Variants in SYNJ1 observed in about 807,000 individuals in gnomAD.
SYNJ1 encodes polyphosphatidylinositol phosphatase SYNJ1.
SYNJ1 carries 78 observed loss-of-function variants against 168.2 expected under a neutral mutation model. The ratio of observed to expected loss-of-function variants is 0.46; its 90% CI spans 0.39 to 0.56. SYNJ1 has a LOEUF of 0.56. Among genes scored for constraint, SYNJ1 ranks in the 20% least tolerant of loss-of-function variants. SYNJ1 has a pLI of 0.00. For missense variants in SYNJ1, 1,303 were observed against 1,597.6 expected, an observed-to-expected ratio of 0.82 and a Z score of 3.14; for synonymous variants, 539 against 548.6, an observed-to-expected ratio of 0.98 and a Z score of 0.24.
chr21:32,677,655 G>A (rs2041464543), intron 12 of SYNJ1, among the ~76,000 whole-genome samples: 1 of 152,150 alleles, frequency 6.6e-6, no homozygotes, highest in African/African-American at 2.4e-5. Flanking sequence ...GAAAGTAGTA[G>A]CTAAGATCAG....
At chr21:32,720,327 T>C (rs1382851647) in intron 2 of SYNJ1, among the ~76,000 whole-genome samples, 1 of 152,210 alleles carries the variant, frequency 6.6e-6, no homozygotes, top group Non-Finnish European at 1.5e-5. Context: ...TGGCTTAATG[T>C]TGTGACTGGC....
Position 32,666,060 on chromosome 21 carries a change from C to G in SYNJ1, c.2028G>C (p.Met676Ile), listed in dbSNP as rs1569064604. 6.2e-7 allele frequency: 1 copy of G among 1,614,060 alleles called. No individual in the cohort carries two copies. Among genetic ancestry groups the G allele is most frequent in the East Asian group, 2.2e-5 (1 of 44,872 alleles). ...AGCAAAGGCTGGTTGTATGGAAGAG[C>G]ATTCGGATTGCAACTGCTCCCTTAT... ...TGNKGAVAIRMLFHTTSLCFV... is the reference protein window; with the variant it reads ...TGNKGAVAIRILFHTTSLCFV... Residue 676 changes from methionine to isoleucine, a missense_variant, in exon 17 of 33, where the codon ATG becomes ATC. Physicochemically the swap from Met to Ile is conservative, Grantham distance 10. Around this residue, in one of 2 missense-constraint regions of SYNJ1, gnomAD observed 920 missense variants for 1,208.8 expected, o/e 0.76. Transcript: ENST00000674351.
chr21:32,694,175 G>C, intron 6 of SYNJ1, 53 bp downstream of exon 6: 1 of 1,298,254 alleles, frequency 7.7e-7, no homozygotes, highest in Non-Finnish European at 1.0e-6. Flanking sequence ...AGAAAGTTTA[G>C]AAAATATGAA....
chr21:32,728,001 G>T lies in SYNJ1; in HGVS notation c.-78C>A, dbSNP rs1441295192. 1 of 1,536,212 alleles carries T rather than the reference G, an allele frequency of 6.5e-7. No individual in the cohort carries two copies. The highest frequency in any genetic ancestry group is 1.2e-5 in the South Asian group (1 of 83,984). ...CCGCAGCCGCCGCCACAGCCGCCGG[G>T]AGCGTCACTTCCGCTCCAGCAGGCC... is the stretch of plus-strand genomic sequence containing the variant. On this transcript the variant is annotated 5_prime_UTR_variant, in exon 1 of 33. Coordinates refer to ENST00000674351, the MANE Select transcript of SYNJ1 (RefSeq NM_203446.3).
At chr21:32,685,388 C>T (rs1208789569) in intron 9 of SYNJ1, among the ~76,000 whole-genome samples, 3 of 146,870 alleles carry the variant, frequency 2.0e-5, no homozygotes, top group African/African-American at 7.6e-5. Flanking sequence ...GGAGTTTGAG[C>T]CCAGCCAGGG....
At chr21:32,672,205 C>T (rs2041231446) in intron 14 of SYNJ1, among the ~76,000 whole-genome samples, 1 of 151,348 alleles carries the variant, frequency 6.6e-6, no homozygotes, top group Non-Finnish European at 1.5e-5. Flanking sequence ...TATCTCACAC[C>T]ATTTCCTATA....
chr21:32,642,569 G>A (rs2039890029), intron 27 of SYNJ1, among the ~76,000 whole-genome samples: 1 of 152,202 alleles, frequency 6.6e-6, no homozygotes. Context: ...GAGGCTCCTA[G>A]TAGCAATACT....
At chr21:32,640,270 T>C (rs1164460267) in intron 29 of SYNJ1, among the ~76,000 whole-genome samples, 2 of 151,446 alleles carry the variant, frequency 1.3e-5, no homozygotes, top group Non-Finnish European at 2.9e-5. Context: ...TAGGAGACTT[T>C]GGGGAAAAAA....
At chr21:32,685,252 A>G (rs533919409) in intron 9 of SYNJ1, among the ~76,000 whole-genome samples, 16 of 151,840 alleles carry the variant, frequency 1.1e-4, no homozygotes, top group African/African-American at 3.9e-4. Flanking sequence ...GTAACCTCTC[A>G]TTATTATTTG....
At chr21:32,694,683 A>G (rs2042141062) in intron 5 of SYNJ1, among the ~76,000 whole-genome samples, 1 of 152,190 alleles carries the variant, frequency 6.6e-6, no homozygotes, top group Non-Finnish European at 1.5e-5. Context: ...ATAGCCAAAA[A>G]TATCATAATT....
intron 12 of SYNJ1, among the ~76,000 whole-genome samples, chr21:32,677,152 C>T (rs1476091950): frequency 2.6e-5 from 4 of 152,134 alleles, no homozygotes; most frequent in African/African-American, 9.7e-5. Flanking sequence ...GCTCATAACA[C>T]ACATAGTGAA....
chr21:32,709,464 C>G (rs1209578016), intron 2 of SYNJ1, among the ~76,000 whole-genome samples: 1 of 109,728 alleles, frequency 9.1e-6, no homozygotes, highest in Non-Finnish European at 1.7e-5. Context: ...GGCGACACAG[C>G]AAGACTCTGT....
At chr21:32,728,372 C>T (rs2043573421), upstream of SYNJ1, 3 of 259,082 alleles carry the variant, frequency 1.2e-5, no homozygotes, top group South Asian at 1.6e-4. Flanking sequence ...AACCCCGCCG[C>T]CCCCACGGGC....
At chr21:32,726,709 C>T (rs1228393533) in intron 2 of SYNJ1, 63 bp downstream of exon 2, 1 of 1,588,618 alleles carries the variant, frequency 6.3e-7, no homozygotes, top group African/African-American at 1.4e-5. Context: ...AAAATGGTTG[C>T]ATCTGAATTG....
At chr21:32,659,363 T>A (rs1300384223) in intron 18 of SYNJ1, among the ~76,000 whole-genome samples, 1 of 152,198 alleles carries the variant, frequency 6.6e-6, no homozygotes, top group Non-Finnish European at 1.5e-5. Flanking sequence ...CTATTTTTAT[T>A]ACTTTTAAGG....
At chr21:32,723,458 C>A (rs1569140652) in intron 2 of SYNJ1, among the ~76,000 whole-genome samples, 1 of 152,212 alleles carries the variant, frequency 6.6e-6, no homozygotes, top group Non-Finnish European at 1.5e-5. Flanking sequence ...GTCACTTCCA[C>A]CACCCCTTTC....
chr21:32,685,181 CAAAAA>C (rs553002012), intron 9 of SYNJ1, among the ~76,000 whole-genome samples: 1 of 57,694 alleles, frequency 1.7e-5, no homozygotes, highest in Non-Finnish European at 3.5e-5. Context: ...GACTCCGTCT[CAAAAA>C]AAAAAAAAAA....
chr21:32,706,204 G>A (rs561531197), intron 2 of SYNJ1, among the ~76,000 whole-genome samples: 3 of 152,128 alleles, frequency 2.0e-5, no homozygotes, highest in Non-Finnish European at 4.4e-5. Context: ...GGCCACAAAT[G>A]TCACAGATCG....
intron 2 of SYNJ1, among the ~76,000 whole-genome samples, chr21:32,711,121 T>G (rs2042813190): frequency 6.6e-6 from 1 of 152,192 alleles, no homozygotes; most frequent in African/African-American, 2.4e-5. Flanking sequence ...AACAAATTCA[T>G]GCATGACTGA....
Sources: gnomAD v4.1 joint callset for allele counts (sites outside exome capture counted in the v4.1 genomes callset) on GRCh38, gnomAD v4.1.1 for gene constraint, gnomAD v4.1.1 regional missense constraint, MANE v1.5 for transcripts, NCBI Gene and HGNC (gene_info 2026-07-23, HGNC 2026-07-21) for gene names.